The following MICAL3 variants were observed in gnomAD, a reference collection of about 807,000 sequenced individuals.
MICAL3 encodes microtubule associated monooxygenase, calponin and LIM domain containing 3.
MICAL3 carries 62 observed loss-of-function variants against 207.4 expected under a neutral mutation model. The ratio of observed to expected loss-of-function variants is 0.30; its 90% CI spans 0.24 to 0.37. MICAL3 has a LOEUF of 0.37. Ranked by LOEUF, MICAL3 falls within the 10% of genes least tolerant of loss-of-function variation. The probability of loss-of-function intolerance (pLI) is 1.00; values close to 1 mark genes in which losing one functional copy is unlikely to be tolerated. For synonymous variants in MICAL3, 1,077 were observed against 1,069.3 expected, an observed-to-expected ratio of 1.01 and a Z score of -0.14; for missense variants, 2,368 against 2,635.6, an observed-to-expected ratio of 0.90 and a Z score of 2.22.
intron 1 of MICAL3, among the ~76,000 whole-genome samples, chr22:17,959,010 GTTTTTT>G (rs34107784): frequency 2.3e-5 from 2 of 85,868 alleles, no homozygotes; most frequent in Non-Finnish European, 4.1e-5. Context: ...CGGGCCTGGG[GTTTTTT>G]TTTTTTTTTT....
intron 1 of MICAL3, among the ~76,000 whole-genome samples, chr22:17,965,474 C>T (rs1935105999): frequency 6.6e-6 from 1 of 152,176 alleles, no homozygotes; most frequent in East Asian, 1.9e-4. Flanking sequence ...CCATTCATCC[C>T]AAGGACTGAA....
chr22:17,995,031 C>T lies in MICAL3; in HGVS notation c.-75+29250G>A, dbSNP rs574131042. On this transcript the variant is annotated intron_variant, in intron 1 of 31. Transcript: ENST00000441493. ...CTCTGAGCTGGGCGCTAGAGAGACACGGCCTAACAGAACACGAAAAAGATA... is the reference window on the plus strand; with the variant it reads ...CTCTGAGCTGGGCGCTAGAGAGACATGGCCTAACAGAACACGAAAAAGATA... Among the ~76,000 whole-genome samples the T allele has an allele frequency of 7.9e-5, 12 of 152,230 alleles. No homozygotes were observed. In the East Asian group the frequency reaches 1.9e-3, roughly 24 times the overall value.
chr22:17,879,828 C>CA (rs1248564825), intron 16 of MICAL3, among the ~76,000 whole-genome samples: 1 of 152,190 alleles, frequency 6.6e-6, no homozygotes, highest in Non-Finnish European at 1.5e-5. Context: ...ATGACTAAGA[C>CA]AGCAGTCCAG....
At chr22:17,880,150 CTG>C (rs1313307425) in intron 16 of MICAL3, among the ~76,000 whole-genome samples, 1 of 152,212 alleles carries the variant, frequency 6.6e-6, no homozygotes, top group Non-Finnish European at 1.5e-5. Flanking sequence ...CATAATGTCT[CTG>C]TGGGCAGAGG....
At chr22:17,988,451 G>GA (rs1921276799) in intron 1 of MICAL3, among the ~76,000 whole-genome samples, 1 of 151,828 alleles carries the variant, frequency 6.6e-6, no homozygotes. Context: ...ACATTTCTGG[G>GA]TTTTTTTTGG....
At position 17,818,236 on chromosome 22, in the gene MICAL3, C is replaced by G. The variant is rs1451864052; in HGVS notation, c.4425G>C (p.Lys1475Asn). The G allele has an allele frequency of 3.9e-6, 6 of 1,531,496 alleles. No individual in the cohort carries two copies. Among genetic ancestry groups the G allele is most frequent in the African/African-American group, 1.4e-5 (1 of 72,178 alleles). The allele number at this position is 1,531,496 out of a possible 1,614,324, so 94.9% of individuals were successfully genotyped here. A position where few individuals can be genotyped will look rare whatever the true frequency, so the allele number is the denominator to read the frequency against. ...PGEEPATLRR[K>N]LREAEPNASV... ...AGGCATTGGGCTCGGCCTCCCTGAG[C>G]TTCCTCCGCAAGGTGGCGGGCTCCT... is the stretch of plus-strand genomic sequence containing the variant. The change falls in exon 26 of 32, where the codon AAG (lysine) becomes AAC (asparagine). Residue 1475 changes from lysine (K) to asparagine (N), a missense_variant. Physicochemically the swap from Lys to Asn is moderately conservative, Grantham distance 94. Transcript: ENST00000441493.
At chr22:17,910,584 C>CA (rs1932068504) in intron 1 of MICAL3, among the ~76,000 whole-genome samples, 1 of 152,206 alleles carries the variant, frequency 6.6e-6, no homozygotes, top group African/African-American at 2.4e-5. Context: ...GCTCCTGGAA[C>CA]AATGCGACCG....
At chr22:17,930,017 G>C (rs1291334718) in intron 1 of MICAL3, among the ~76,000 whole-genome samples, 3 of 152,192 alleles carry the variant, frequency 2.0e-5, no homozygotes, top group Admixed American at 2.0e-4. Context: ...CAGAAGATTT[G>C]ATCAGGCATA....
chr22:17,861,043 G>A (rs1041248558), intron 19 of MICAL3: 4 of 985,412 alleles, frequency 4.1e-6, no homozygotes, highest in Non-Finnish European at 4.8e-6. Context: ...GTCAGCTATG[G>A]CTCTTGGGGT....
intron 1 of MICAL3, among the ~76,000 whole-genome samples, chr22:18,023,194 A>C (rs1924594190): frequency 6.6e-6 from 1 of 152,162 alleles, no homozygotes. Flanking sequence ...GTTAAAAAAA[A>C]AAAATCCAGT....
At chr22:17,971,554 C>G (rs1198051373) in intron 1 of MICAL3, among the ~76,000 whole-genome samples, 1 of 152,150 alleles carries the variant, frequency 6.6e-6, no homozygotes, top group Non-Finnish European at 1.5e-5. Flanking sequence ...TAGCATTCAT[C>G]TAGCATACAT....
chr22:17,881,080 G>A lies in MICAL3; in HGVS notation c.2241+4798C>T, dbSNP rs73876524. On this transcript the variant is annotated intron_variant, in intron 16 of 31. Coordinates refer to ENST00000441493, the MANE Select transcript of MICAL3 (RefSeq NM_015241.3). ...TGCTTCCACCACAAACGGTTTCTAC[G>A]CATAGCCTTTCTTCTTGATAGTTAT... 2,579 of 848,462 alleles carry A rather than the reference G, an allele frequency of 3.0e-3. 36 individuals carry two copies. In the African/African-American group the frequency reaches 0.036, roughly 12 times the overall value. 52.6% of individuals were successfully genotyped at this position (848,462 alleles called of 1,614,324 possible).
intron 1 of MICAL3, among the ~76,000 whole-genome samples, chr22:17,985,604 T>C (rs945851991): frequency 2.6e-5 from 4 of 152,158 alleles, no homozygotes; most frequent in Non-Finnish European, 5.9e-5. Flanking sequence ...TTTCAAAGCA[T>C]GCCTGCCCAA....
At chr22:17,919,160 G>A (rs1223689492) in intron 1 of MICAL3, among the ~76,000 whole-genome samples, 1 of 150,126 alleles carries the variant, frequency 6.7e-6, no homozygotes, top group Non-Finnish European at 1.5e-5. Context: ...AGCTTCCTCA[G>A]CTCAGGCGAT....
At chr22:17,821,532 C>T (rs1488945927) in intron 24 of MICAL3, 23 bp from the exon 25 acceptor site, 1 of 1,530,020 alleles carries the variant, frequency 6.5e-7, no homozygotes, top group African/African-American at 1.4e-5. Context: ...AACACAGGGA[C>T]TTACAAGAGG....
At chr22:17,834,209 T>C in intron 20 of MICAL3, 2 of 1,069,498 alleles carry the variant, frequency 1.9e-6, no homozygotes, top group Non-Finnish European at 2.3e-6. Flanking sequence ...TTGTGCTCTC[T>C]GAGTTTGCTC....
intron 17 of MICAL3, among the ~76,000 whole-genome samples, chr22:17,868,687 A>G (rs565378683): frequency 4.6e-5 from 7 of 150,958 alleles, no homozygotes; most frequent in Middle Eastern, 3.5e-3. Context: ...TGATAACTGA[A>G]TATGGGAGTA....
intron 1 of MICAL3, among the ~76,000 whole-genome samples, chr22:17,913,251 T>C (rs1390877980): frequency 3.9e-5 from 6 of 152,080 alleles, no homozygotes; most frequent in East Asian, 3.9e-4. Flanking sequence ...CTCTCCTCCA[T>C]TGTGAACTTC....
chr22:17,857,137 T>C (rs1926004074), intron 19 of MICAL3, among the ~76,000 whole-genome samples: 1 of 152,210 alleles, frequency 6.6e-6, no homozygotes, highest in Non-Finnish European at 1.5e-5. Context: ...AAAACTACTC[T>C]GGCAGGAGTC....
Sources: gnomAD v4.1 joint callset for allele counts (sites outside exome capture counted in the v4.1 genomes callset) on GRCh38, gnomAD v4.1.1 for gene constraint, MANE v1.5 for transcripts, NCBI Gene and HGNC (gene_info 2026-07-23, HGNC 2026-07-21) for gene names.